TSNARE1: variants seen among roughly 807,000 people sequenced by gnomAD.
The protein encoded by TSNARE1 is t-SNARE domain-containing protein 1.
In TSNARE1, 49 loss-of-function variants were observed where a neutral mutation model predicts 62.0. That is an observed-to-expected ratio of 0.79 (90% CI 0.63 to 1.00). TSNARE1 has a LOEUF of 1.00. Among genes scored for constraint, TSNARE1 ranks in the 50% least tolerant of loss-of-function variants. TSNARE1 has a pLI of 0.00. For synonymous variants in TSNARE1, 328 were observed against 294.4 expected (o/e 1.11, Z -1.17); for missense variants, 755 against 700.1 (o/e 1.08, Z -0.88).
intron 9 of TSNARE1, among the ~76,000 whole-genome samples, chr8:142,314,141 C>T (rs1008084063): frequency 1.8e-4 from 27 of 152,332 alleles, no homozygotes; most frequent in Non-Finnish European, 1.0e-4. Context: ...GCTGGTCTGA[C>T]CTGTGAGTCC....
chr8:142,357,364 C>G (rs1834827102), intron 1 of TSNARE1, among the ~76,000 whole-genome samples: 1 of 152,222 alleles, frequency 6.6e-6, no homozygotes, highest in Non-Finnish European at 1.5e-5. Context: ...CTCAAGGGGG[C>G]TCTGAGCACA....
chr8:142,277,777 G>C, intron 11 of TSNARE1: 1 of 985,396 alleles, frequency 1.0e-6, no homozygotes, highest in Non-Finnish European at 1.2e-6. Context: ...AGAAGTCGAG[G>C]CTGGGTCTCA....
intron 1 of TSNARE1, among the ~76,000 whole-genome samples, chr8:142,395,540 T>G (rs186048966): frequency 1.2e-3 from 189 of 152,230 alleles, no homozygotes; most frequent in African/African-American, 4.4e-3. Flanking sequence ...CAAGTGACAG[T>G]GAGGCTGGAG....
rs551188320 is a variant in TSNARE1 at position 142,388,600 on chromosome 8, C to CAAGCTGG, written c.-40+14497_-40+14503dup. ...TGAGACAGAGTCTCGCTCTGTCACCCAAGCTGGAATGCAGTGGGAGGATCT... is the reference window on the plus strand; with the variant it reads ...TGAGACAGAGTCTCGCTCTGTCACCCAAGCTGGAAGCTGGAATGCAGTGGGAGGATCT... On this transcript the variant is annotated intron_variant, in intron 1 of 13. Coordinates refer to ENST00000524325, the MANE Select transcript of TSNARE1 (RefSeq NM_145003.5). Among the ~76,000 whole-genome samples, 4 of 138,204 alleles carry CAAGCTGG rather than the reference C, an allele frequency of 2.9e-5. No homozygotes were observed. In the South Asian group the frequency reaches 9.4e-4, roughly 32 times the overall value. 90.7% of individuals were successfully genotyped at this position (138,204 alleles called of 152,430 possible).
chr8:142,261,006 A>G (rs959068292), intron 12 of TSNARE1, among the ~76,000 whole-genome samples: 2 of 3,498 alleles, frequency 5.7e-4, no homozygotes, highest in Non-Finnish European at 1.3e-3. Flanking sequence ...GGGGGTGGGG[A>G]GGGAGGAGAG....
chr8:142,236,163 C>A (rs1461907669), intron 12 of TSNARE1, among the ~76,000 whole-genome samples: 4 of 152,172 alleles, frequency 2.6e-5, no homozygotes, highest in African/African-American at 4.8e-5. Flanking sequence ...GGGGTGCTTT[C>A]TTTTGCTTTG....
chr8:142,313,168 GTGTGTTTATCTGCATGTCTACATGTC>G (rs1409453610), intron 9 of TSNARE1, among the ~76,000 whole-genome samples: 5 of 151,042 alleles, frequency 3.3e-5, no homozygotes, highest in African/African-American at 7.2e-5. Context: ...CTGTGTCTCT[GTGTGTTTATCTGCATGTCTACATGTC>G]TGTGTTTATC....
chr8:142,396,979 GGA>G (rs1227425326), intron 1 of TSNARE1, among the ~76,000 whole-genome samples: 1 of 152,110 alleles, frequency 6.6e-6, no homozygotes, highest in Non-Finnish European at 1.5e-5. Flanking sequence ...GGGTCTCACA[GGA>G]GAGAGGCAGC....
At chr8:142,352,231 A>T (rs1586972190) in intron 2 of TSNARE1, among the ~76,000 whole-genome samples, 1 of 152,262 alleles carries the variant, frequency 6.6e-6, no homozygotes, top group African/African-American at 2.4e-5. Flanking sequence ...AAAAGCAGAC[A>T]AACAGTGCTC....
At chr8:142,249,471 C>T (rs986472088) in intron 12 of TSNARE1, among the ~76,000 whole-genome samples, 1 of 152,188 alleles carries the variant, frequency 6.6e-6, no homozygotes, top group African/African-American at 2.4e-5. Context: ...GTGGCAATTC[C>T]CAAGATCCCC....
At chr8:142,355,018 TC>T (rs1042767860) in intron 1 of TSNARE1, among the ~76,000 whole-genome samples, 2 of 149,522 alleles carry the variant, frequency 1.3e-5, no homozygotes, top group Non-Finnish European at 3.0e-5. Context: ...GTGTGCCCCC[TC>T]CCCTCCCAAG....
intron 10 of TSNARE1, among the ~76,000 whole-genome samples, chr8:142,293,278 G>T (rs1824116917): frequency 6.6e-6 from 1 of 152,250 alleles, no homozygotes; most frequent in African/African-American, 2.4e-5. Context: ...CCCAGAGCTT[G>T]GCCGCATTCC....
At chr8:142,277,017 G>A in intron 11 of TSNARE1, 1 of 985,472 alleles carries the variant, frequency 1.0e-6, no homozygotes, top group Non-Finnish European at 1.2e-6. Flanking sequence ...GCCGCGTGTT[G>A]CTCGTGGGGT....
At chr8:142,280,374 A>T in intron 11 of TSNARE1, 6 of 975,582 alleles carry the variant, frequency 6.2e-6, no homozygotes, top group Non-Finnish European at 7.3e-6. Flanking sequence ...TGGGGAGAGC[A>T]GCCAGGTTCG....
intron 12 of TSNARE1, among the ~76,000 whole-genome samples, chr8:142,262,609 C>T (rs1346976112): frequency 6.6e-6 from 1 of 152,036 alleles, no homozygotes; most frequent in Non-Finnish European, 1.5e-5. Context: ...TTAATGCCAT[C>T]CCCCTAGTGC....
chr8:142,333,040 C>T (rs763998318), intron 4 of TSNARE1, among the ~76,000 whole-genome samples: 2 of 152,218 alleles, frequency 1.3e-5, no homozygotes, highest in Admixed American at 6.5e-5. Context: ...GCGAACGGGG[C>T]GAAGGTCGAG....
chr8:142,315,018 A>G lies in TSNARE1; in HGVS notation c.1059T>C (p.Tyr353=), dbSNP rs2131620804. The G allele has an allele frequency of 3.7e-6, 6 of 1,613,998 alleles. No homozygotes were observed. Among genetic ancestry groups the G allele is most frequent in the East Asian group, 4.5e-5 (2 of 44,874 alleles). Residue 353 remains tyrosine (Y), a synonymous_variant, in exon 8 of 14, where the codon TAT becomes TAC. Transcript: ENST00000524325. ...KTQLSDAIQC[Y]GVVQKKIAEK... ...AGCACCTCACCTTCTGCACCACTCC[A>G]TAGCACTGAATGGCATCTGAGAGCT...
At chr8:142,372,539 C>T (rs1003664965) in intron 1 of TSNARE1, among the ~76,000 whole-genome samples, 2 of 152,164 alleles carry the variant, frequency 1.3e-5, no homozygotes, top group African/African-American at 2.4e-5. Flanking sequence ...CGGGGTGGAG[C>T]GGGGGTGCTG....
chr8:142,391,005 C>T (rs560962715), intron 1 of TSNARE1, among the ~76,000 whole-genome samples: 2 of 145,160 alleles, frequency 1.4e-5, no homozygotes, highest in African/African-American at 5.2e-5. Context: ...CTGTACACTG[C>T]GGGGGACTCT....
Sources: gnomAD v4.1 joint callset for allele counts (sites outside exome capture counted in the v4.1 genomes callset) on GRCh38, gnomAD v4.1.1 for gene constraint, MANE v1.5 for transcripts, NCBI Gene and HGNC (gene_info 2026-07-23, HGNC 2026-07-21) for gene names.